FAXC: variants seen among roughly 807,000 people sequenced by gnomAD.
The protein encoded by FAXC is failed axon connections homolog.
FAXC carries 10 observed loss-of-function variants against 41.9 expected under a neutral mutation model. That is an observed-to-expected ratio of 0.24 (90% CI 0.15 to 0.41). FAXC has a LOEUF of 0.41. Among genes scored for constraint, FAXC ranks in the 10% least tolerant of loss-of-function variants. FAXC has a pLI of 1.00. For missense variants in FAXC, 399 were observed against 510.9 expected (o/e 0.78, Z 2.11); for synonymous variants, 183 against 183.8 (o/e 1.00, Z 0.03).
rs760773064 is a variant in FAXC at position 99,281,262 on chromosome 6, T to C, written c.1132A>G (p.Ser378Gly). Residue 378 changes from serine to glycine, a missense_variant, in exon 6 of 6, where the codon AGT (serine) becomes GGT (glycine). Physicochemically the swap from Ser to Gly is moderately conservative, Grantham distance 56. This residue lies in a region of FAXC where 92 missense variants were observed against 94.9 expected (regional missense o/e 0.97). Transcript: ENST00000389677. ...TCTGTGTCTGGGGTTCTGGAAAAAC[T>C]GTTTTCTGCTCCCTCATCTTCAAAG... ...ETFEDEGAEN[S>G]FSRTPDTDFT... The C allele has an allele frequency of 3.5e-5, 57 of 1,614,038 alleles. No homozygotes were observed. Among genetic ancestry groups the C allele is most frequent in the Non-Finnish European group, 4.7e-5 (55 of 1,180,008 alleles).
chr6:99,288,780 A>C (rs538031055), intron 5 of FAXC, among the ~76,000 whole-genome samples: 1 of 151,964 alleles, frequency 6.6e-6, no homozygotes, highest in African/African-American at 2.4e-5. Flanking sequence ...CCCACCAATA[A>C]GAGGATCTGG....
intron 4 of FAXC, among the ~76,000 whole-genome samples, chr6:99,307,028 C>T (rs974190554): frequency 6.6e-6 from 1 of 152,178 alleles, no homozygotes; most frequent in African/African-American, 2.4e-5. Flanking sequence ...TTAATACACC[C>T]AAGAAATCTC....
At chr6:99,281,576 G>T in intron 5 of FAXC, 123 bp from the exon 6 acceptor site, 1 of 800,988 alleles carries the variant, frequency 1.2e-6, no homozygotes, top group Non-Finnish European at 2.0e-6. Context: ...GGTCTAAGGA[G>T]GTGGGGCCTT....
At chr6:99,310,098 T>C (rs1562165951) in intron 4 of FAXC, among the ~76,000 whole-genome samples, 1 of 152,130 alleles carries the variant, frequency 6.6e-6, no homozygotes. Flanking sequence ...CTACTAAAAA[T>C]AGCATCTAAA....
At chr6:99,344,532 A>T (rs1421708099) in intron 1 of FAXC, among the ~76,000 whole-genome samples, 1 of 151,946 alleles carries the variant, frequency 6.6e-6, no homozygotes, top group Non-Finnish European at 1.5e-5. Context: ...AAAGTTTACC[A>T]CCCAAGGGCC....
At position 99,274,697 on chromosome 6, in the gene FAXC, A is replaced by G. The variant is rs1411995295; in HGVS notation, c.*6467T>C. On this transcript the variant is annotated 3_prime_UTR_variant, in exon 6 of 6. Coordinates refer to ENST00000389677, the MANE Select transcript of FAXC (RefSeq NM_032511.4). ...TTAAAATCATTTTACAGGAGTAAAC[A>G]TGTCACCCCTACTGAAGCAGAAGCC... The G allele has an allele frequency of 8.5e-5, 13 of 152,244 alleles. No individual in the cohort carries two copies. The highest frequency in any genetic ancestry group is 8.5e-4 in the Admixed American group (13 of 15,288). 9.4% of individuals were successfully genotyped at this position (152,244 alleles called of 1,614,324 possible). A position where few individuals can be genotyped will look rare whatever the true frequency, so the allele number is the denominator to read the frequency against.
intron 4 of FAXC, among the ~76,000 whole-genome samples, chr6:99,296,846 G>T (rs1402653090): frequency 6.6e-6 from 1 of 152,134 alleles, no homozygotes; most frequent in South Asian, 2.1e-4. Context: ...TTCTACTGTG[G>T]GGCTGGAAAA....
chr6:99,343,171 C>T, intron 1 of FAXC, 138 bp from the exon 2 acceptor site: 1 of 694,890 alleles, frequency 1.4e-6, no homozygotes, highest in Non-Finnish European at 2.3e-6. Context: ...CTTACATCAC[C>T]CAGCACCCAG....
intron 4 of FAXC, among the ~76,000 whole-genome samples, chr6:99,308,980 G>A (rs1772047723): frequency 6.6e-6 from 1 of 152,068 alleles, no homozygotes; most frequent in East Asian, 1.9e-4. Context: ...ATTACAATAT[G>A]CCAGGTCATC....
At chr6:99,290,245 C>T (rs1363404100) in intron 5 of FAXC, among the ~76,000 whole-genome samples, 1 of 151,958 alleles carries the variant, frequency 6.6e-6, no homozygotes, top group African/African-American at 2.4e-5. Flanking sequence ...CCCACACCCA[C>T]CCCACACATA....
intron 4 of FAXC, among the ~76,000 whole-genome samples, chr6:99,311,123 G>A (rs1297028692): frequency 6.6e-6 from 1 of 152,216 alleles, no homozygotes; most frequent in Non-Finnish European, 1.5e-5. Context: ...AAACACGAAT[G>A]CTTTAAAGCA....
At position 99,333,400 on chromosome 6, in the gene FAXC, T is replaced by C. The variant is rs779093158; in HGVS notation, c.550A>G (p.Arg184Gly). The C allele has an allele frequency of 6.2e-7, 1 of 1,614,092 alleles. No individual in the cohort carries two copies. Among genetic ancestry groups the C allele is most frequent in the South Asian group, 1.1e-5 (1 of 91,054 alleles). Residue 184 changes from arginine to glycine, a missense_variant, in exon 3 of 6, where the codon AGA (arginine) becomes GGA (glycine). This residue lies in a region of FAXC where 239 missense variants were observed against 352.7 expected (regional missense o/e 0.68). Transcript: ENST00000389677. ...TTGGTCACCGCTCTGGAGATGGCTC[T>C]TTCATGAGGGCCAAGGTTTTTGTTT... ...NLNKNLGPHE[R>G]AISRAVTKMV...
At chr6:99,298,202 G>A (rs1771572649) in intron 4 of FAXC, among the ~76,000 whole-genome samples, 1 of 150,740 alleles carries the variant, frequency 6.6e-6, no homozygotes, top group Non-Finnish European at 1.5e-5. Context: ...TCTTAAACTT[G>A]AGCATGTAGT....
At position 99,281,125 on chromosome 6, in the gene FAXC, G is replaced by A. The variant is rs1770813998; in HGVS notation, c.*39C>T. ...CTGGGAAAATGGACCGACCCAGGGAGTGGCAGGTCCCAAGGAAGAGGGTCA... is the reference window on the plus strand; with the variant it reads ...CTGGGAAAATGGACCGACCCAGGGAATGGCAGGTCCCAAGGAAGAGGGTCA... On this transcript the variant is annotated 3_prime_UTR_variant, in exon 6 of 6. Coordinates refer to ENST00000389677, the MANE Select transcript of FAXC (RefSeq NM_032511.4). 1.1e-6 allele frequency: 1 copy of A among 945,036 alleles called. No individual in the cohort carries two copies. 58.5% of individuals were successfully genotyped at this position (945,036 alleles called of 1,614,324 possible). A position where few individuals can be genotyped will look rare whatever the true frequency, so the allele number is the denominator to read the frequency against.
chr6:99,333,248 G>T, intron 3 of FAXC, 103 bp downstream of exon 3: 1 of 1,007,832 alleles, frequency 9.9e-7, no homozygotes, highest in Non-Finnish European at 1.5e-6. Flanking sequence ...ATCCGAAACT[G>T]TTAAGGTAGA....
At chr6:99,346,603 A>G (rs1431836854) in intron 1 of FAXC, among the ~76,000 whole-genome samples, 2 of 34,118 alleles carry the variant, frequency 5.9e-5, no homozygotes, top group Non-Finnish European at 9.1e-5. Context: ...GGGTTTCACA[A>G]TGTTGGCCAG....
At chr6:99,326,643 G>A (rs1772815026) in intron 3 of FAXC, among the ~76,000 whole-genome samples, 1 of 151,624 alleles carries the variant, frequency 6.6e-6, no homozygotes, top group African/African-American at 2.4e-5. Context: ...AGGAGATGAG[G>A]TCACCTTAGG....
rs1310285948 is a variant in FAXC at position 99,279,249 on chromosome 6, T to TA, written c.*1914dup. 1 of 152,196 alleles carries TA rather than the reference T, an allele frequency of 6.6e-6. No homozygotes were observed. The highest frequency in any genetic ancestry group is 2.4e-5 in the African/African-American group (1 of 41,452). 9.4% of individuals were successfully genotyped at this position (152,196 alleles called of 1,614,324 possible). On this transcript the variant is annotated 3_prime_UTR_variant, in exon 6 of 6. Transcript: ENST00000389677. ...CTTATTAGGCATCAAACAGTCCCTT[T>TA]AAATAAGAATGGTTTTAATAAGATA...
At position 99,275,336 on chromosome 6, in the gene FAXC, T is replaced by C. The variant is rs949176274; in HGVS notation, c.*5828A>G. ...AATTATTGTGTACAGAACACCAAAG[T>C]ACCGTATCCATCTTTTACTCCAGAT... is the stretch of plus-strand genomic sequence containing the variant. On this transcript the variant is annotated 3_prime_UTR_variant, in exon 6 of 6. Coordinates refer to ENST00000389677, the MANE Select transcript of FAXC (RefSeq NM_032511.4). The C allele has an allele frequency of 1.3e-5, 2 of 152,226 alleles. No individual in the cohort carries two copies. The highest frequency in any genetic ancestry group is 2.4e-5 in the African/African-American group (1 of 41,456). The allele number at this position is 152,226 out of a possible 1,614,324, so 9.4% of individuals were successfully genotyped here.
Sources: allele counts gnomAD v4.1 joint callset (sites outside exome capture counted in the v4.1 genomes callset), GRCh38; gene constraint gnomAD v4.1.1; regional missense constraint gnomAD v4.1.1; transcripts MANE v1.5; gene names NCBI Gene and HGNC (gene_info 2026-07-23, HGNC 2026-07-21).